The following ASIC2 variants were observed in gnomAD, a reference collection of about 807,000 sequenced individuals.
The protein encoded by ASIC2 is acid-sensing ion channel 2.
ASIC2 carries 25 observed loss-of-function variants against 57.3 expected under a neutral mutation model. The ratio of observed to expected loss-of-function variants is 0.44; its 90% CI spans 0.32 to 0.61. The LOEUF is 0.61. ASIC2 is among the 20% of genes least tolerant of loss of function. The pLI, the probability that ASIC2 is intolerant of heterozygous loss-of-function variation, is 0.06. For synonymous variants in ASIC2, 319 were observed against 307.5 expected, an observed-to-expected ratio of 1.04 and a Z score of -0.39; for missense variants, 641 against 738.1, an observed-to-expected ratio of 0.87 and a Z score of 1.52.
chr17:33,590,437 C>A (rs1014106361), intron 1 of ASIC2, among the ~76,000 whole-genome samples: 1 of 152,162 alleles, frequency 6.6e-6, no homozygotes, highest in Non-Finnish European at 1.5e-5. Flanking sequence ...ACAGGTACTT[C>A]ATCATGGTGA....
chr17:33,236,730 G>T (rs1908308780), intron 1 of ASIC2, among the ~76,000 whole-genome samples: 1 of 152,138 alleles, frequency 6.6e-6, no homozygotes, highest in South Asian at 2.1e-4. Context: ...TCAATGATGG[G>T]TATCTTTATA....
At chr17:33,558,214 G>A (rs1355494666) in intron 1 of ASIC2, among the ~76,000 whole-genome samples, 1 of 150,546 alleles carries the variant, frequency 6.6e-6, no homozygotes, top group Non-Finnish European at 1.5e-5. Context: ...GGCCCGGGGG[G>A]CCACTACCAG....
chr17:33,718,910 C>T (rs73282747), intron 1 of ASIC2, among the ~76,000 whole-genome samples: 6,854 of 152,252 alleles, frequency 0.045, 412 homozygotes, highest in African/African-American at 0.14. Context: ...ACCAGCAGCC[C>T]ATAGCTTCCA....
chr17:33,415,194 C>A (rs1157672368), intron 1 of ASIC2, among the ~76,000 whole-genome samples: 1 of 151,522 alleles, frequency 6.6e-6, no homozygotes, highest in Admixed American at 6.6e-5. Context: ...ACAGCTTTCC[C>A]CTAGAGTCAT....
chr17:33,918,113 A>C (rs1915628794), intron 1 of ASIC2, among the ~76,000 whole-genome samples: 2 of 152,100 alleles, frequency 1.3e-5, no homozygotes, highest in African/African-American at 4.8e-5. Context: ...TACCTCCTTG[A>C]CTTTACTTAT....
chr17:33,758,048 G>T (rs569285926), intron 1 of ASIC2, among the ~76,000 whole-genome samples: 1 of 152,308 alleles, frequency 6.6e-6, no homozygotes, highest in Non-Finnish European at 1.5e-5. Flanking sequence ...TTGCTTATTT[G>T]GTTGCAATGT....
intron 1 of ASIC2, among the ~76,000 whole-genome samples, chr17:34,014,595 CA>C (rs1906880031): frequency 6.6e-6 from 1 of 152,218 alleles, no homozygotes. Context: ...GCTCTGCTCT[CA>C]AACACCAAAC....
intron 1 of ASIC2, among the ~76,000 whole-genome samples, chr17:34,051,400 C>T (rs780407359): frequency 3.3e-5 from 5 of 152,134 alleles, no homozygotes; most frequent in Non-Finnish European, 2.9e-5. Context: ...TTGGGTTAGC[C>T]GCAACCTCCC....
chr17:34,109,751 T>C (rs1911199527), intron 1 of ASIC2, among the ~76,000 whole-genome samples: 1 of 152,196 alleles, frequency 6.6e-6, no homozygotes, highest in South Asian at 2.1e-4. Context: ...TGCTCATTCA[T>C]ATACTCTACT....
At chr17:33,172,404 T>C (rs1905557276) in intron 1 of ASIC2, among the ~76,000 whole-genome samples, 4 of 152,230 alleles carry the variant, frequency 2.6e-5, no homozygotes, top group Admixed American at 2.6e-4. Flanking sequence ...AGCCCAGTTC[T>C]GCCTTGGCAG....
chr17:33,550,425 G>C (rs2141976253), intron 1 of ASIC2, among the ~76,000 whole-genome samples: 1 of 152,300 alleles, frequency 6.6e-6, no homozygotes, highest in East Asian at 1.9e-4. Context: ...TAACAGGGCG[G>C]GACAAATCAC....
At chr17:34,007,265 G>A (rs1234981373) in intron 1 of ASIC2, among the ~76,000 whole-genome samples, 1 of 152,180 alleles carries the variant, frequency 6.6e-6, no homozygotes, top group South Asian at 2.1e-4. Flanking sequence ...CTCCCATATT[G>A]GAGGATGTGC....
At chr17:33,460,400 A>G (rs979824806) in intron 1 of ASIC2, among the ~76,000 whole-genome samples, 4 of 152,100 alleles carry the variant, frequency 2.6e-5, no homozygotes, top group Non-Finnish European at 5.9e-5. Flanking sequence ...CTTTATTTGT[A>G]TCCTGAGGAT....
chr17:33,336,105 C>T (rs1907504551), intron 1 of ASIC2, among the ~76,000 whole-genome samples: 1 of 152,058 alleles, frequency 6.6e-6, no homozygotes, highest in Admixed American at 6.5e-5. Context: ...CTGGGTCTGC[C>T]TCCCAGATCT....
intron 1 of ASIC2, among the ~76,000 whole-genome samples, chr17:33,812,874 G>A (rs966548101): frequency 6.6e-6 from 1 of 152,160 alleles, no homozygotes; most frequent in Admixed American, 6.5e-5. Flanking sequence ...ACTGGGTGTG[G>A]GTCTTCTTGG....
intron 1 of ASIC2, among the ~76,000 whole-genome samples, chr17:33,785,044 C>T (rs1485429327): frequency 6.6e-6 from 1 of 151,974 alleles, no homozygotes; most frequent in African/African-American, 2.4e-5. Context: ...AGTCCTAACT[C>T]CCAGGGCTTC....
Position 33,564,661 on chromosome 17 carries a change from C to T in ASIC2, c.556-452594G>A, listed in dbSNP as rs149560606. Among the ~76,000 whole-genome samples the T allele has an allele frequency of 1.3e-3, 194 of 152,354 alleles. 1 individual carries two copies. The highest frequency in any genetic ancestry group is 1.8e-3 in the Non-Finnish European group (125 of 68,036). On this transcript the variant is annotated intron_variant, in intron 1 of 9. Transcript: ENST00000359872. ...CAAGCCACCCCTAGCCTGTTGGGAG[C>T]AAGCCCCCCAAAATCTGGCCATAAA...
At chr17:33,469,089 T>G (rs538840238) in intron 1 of ASIC2, among the ~76,000 whole-genome samples, 43 of 152,362 alleles carry the variant, frequency 2.8e-4, no homozygotes, top group Non-Finnish European at 5.4e-4. Context: ...CAGGATGCTT[T>G]CTGGCATTGC....
chr17:33,892,199 T>C (rs1201479214), intron 1 of ASIC2, among the ~76,000 whole-genome samples: 2 of 152,178 alleles, frequency 1.3e-5, no homozygotes, highest in Non-Finnish European at 2.9e-5. Flanking sequence ...AATAAATAAA[T>C]AATGTAATTT....
Sources: allele counts gnomAD v4.1 joint callset (sites outside exome capture counted in the v4.1 genomes callset), GRCh38; gene constraint gnomAD v4.1.1; transcripts MANE v1.5; gene names NCBI Gene and HGNC (gene_info 2026-07-23, HGNC 2026-07-21).